The following TRPC7 variants were observed in gnomAD, a reference collection of about 807,000 sequenced individuals.
TRPC7 encodes the protein transient receptor potential cation channel subfamily C member 7, also known as short transient receptor potential channel 7.
A neutral mutation model predicts 90.1 loss-of-function variants in TRPC7; 42 were observed. The observed-to-expected ratio is 0.47, with a 90% CI of 0.36 to 0.60. The LOEUF (loss-of-function observed/expected upper bound fraction) is 0.60. Among genes scored for constraint, TRPC7 ranks in the 20% least tolerant of loss-of-function variants. The pLI is 0.00. For missense variants in TRPC7, 955 were observed against 1,112.3 expected (o/e 0.86, Z 2.01); for synonymous variants, 451 against 436.3 (o/e 1.03, Z -0.42).
chr5:136,276,766 T>A (rs1757378225), intron 3 of TRPC7, among the ~76,000 whole-genome samples: 1 of 152,154 alleles, frequency 6.6e-6, no homozygotes, highest in Non-Finnish European at 1.5e-5. Context: ...TCATAAGACA[T>A]CCTGGGCCCT....
intron 4 of TRPC7, among the ~76,000 whole-genome samples, chr5:136,272,047 A>G (rs900146687): frequency 6.6e-6 from 1 of 152,208 alleles, no homozygotes; most frequent in Non-Finnish European, 1.5e-5. Flanking sequence ...AGAAATCTCA[A>G]CATTTACTAG....
intron 10 of TRPC7, among the ~76,000 whole-genome samples, chr5:136,224,672 A>G (rs1029822358): frequency 1.3e-5 from 2 of 151,504 alleles, no homozygotes; most frequent in African/African-American, 2.4e-5. Context: ...TCTTCTCATT[A>G]TAGCAGTTAG....
chr5:136,286,445 T>C (rs917006641), intron 3 of TRPC7, among the ~76,000 whole-genome samples: 3 of 152,202 alleles, frequency 2.0e-5, no homozygotes, highest in Non-Finnish European at 4.4e-5. Context: ...CATACTATAG[T>C]CCAGCTTCCC....
In TRPC7 at chr5:136,247,381, C is replaced by CA; in HGVS notation, c.1844+89dup. 1 of 1,373,934 alleles carries CA rather than the reference C, an allele frequency of 7.3e-7. No individual in the cohort carries two copies. Among genetic ancestry groups the CA allele is most frequent in the Admixed American group, 2.4e-5 (1 of 41,048 alleles). 85.1% of individuals were successfully genotyped at this position (1,373,934 alleles called of 1,614,324 possible). A position where few individuals can be genotyped will look rare whatever the true frequency, so the allele number is the denominator to read the frequency against. On this transcript the variant is annotated intron_variant, in intron 7 of 11. Coordinates refer to ENST00000513104, the MANE Select transcript of TRPC7 (RefSeq NM_020389.3). The surrounding 1 kb of genome is among the most constrained non-coding windows in gnomAD (Gnocchi z 4.2). The stretch of plus-strand genomic sequence containing the variant: ...ACCTTGAGAGATAGCAAGGAAACAG[C>CA]AGTCTCTGCAAGAAGCCACCTTCAG...
intron 2 of TRPC7, among the ~76,000 whole-genome samples, chr5:136,325,058 T>C (rs1057361737): frequency 2.1e-5 from 1 of 47,248 alleles, no homozygotes; most frequent in African/African-American, 7.6e-5. Flanking sequence ...TTTTGACATT[T>C]AGGATGAGTT....
intron 2 of TRPC7, among the ~76,000 whole-genome samples, chr5:136,342,948 G>T (rs1350289614): frequency 6.6e-6 from 1 of 152,138 alleles, no homozygotes; most frequent in African/African-American, 2.4e-5. Context: ...CAAAGAAACA[G>T]AAACATGTAT....
At chr5:136,336,589 C>T (rs1323047473) in intron 2 of TRPC7, among the ~76,000 whole-genome samples, 1 of 151,538 alleles carries the variant, frequency 6.6e-6, no homozygotes, top group African/African-American at 2.4e-5. Flanking sequence ...ATACATGTGC[C>T]ACGTTGGTTT....
At chr5:136,343,046 C>G (rs1759893583) in intron 2 of TRPC7, among the ~76,000 whole-genome samples, 1 of 151,876 alleles carries the variant, frequency 6.6e-6, no homozygotes, top group Non-Finnish European at 1.5e-5. Flanking sequence ...ACTAAACATA[C>G]AGAGAAAAGC....
At chr5:136,294,910 C>T (rs1758108401) in intron 3 of TRPC7, among the ~76,000 whole-genome samples, 1 of 152,168 alleles carries the variant, frequency 6.6e-6, no homozygotes, top group South Asian at 2.1e-4. Flanking sequence ...CAATGATAGA[C>T]TGGATTAAGA....
At chr5:136,319,551 T>C (rs1759128202) in intron 2 of TRPC7, among the ~76,000 whole-genome samples, 1 of 152,206 alleles carries the variant, frequency 6.6e-6, no homozygotes, top group Non-Finnish European at 1.5e-5. Context: ...ATCTCTTTAA[T>C]AGGGTTGTCT....
intron 10 of TRPC7, chr5:136,222,034 A>G (rs567542319): frequency 6.6e-6 from 1 of 152,320 alleles, no homozygotes; most frequent in Admixed American, 6.5e-5. Context: ...TACTTTGGCC[A>G]TCTCACCAGT....
chr5:136,225,391 A>G (rs770784566), intron 9 of TRPC7, 37 bp from the exon 10 acceptor site: 5 of 1,585,676 alleles, frequency 3.2e-6, no homozygotes, highest in Non-Finnish European at 4.3e-6. Flanking sequence ...CATCACACAG[A>G]AAAACATACA....
intron 8 of TRPC7, among the ~76,000 whole-genome samples, chr5:136,228,310 T>C (rs1490929686): frequency 6.7e-6 from 1 of 150,154 alleles, no homozygotes; most frequent in East Asian, 2.0e-4. Context: ...GGTAGGGAAT[T>C]TGTAAGAATT....
At chr5:136,275,624 G>T (rs1211590867) in intron 3 of TRPC7, among the ~76,000 whole-genome samples, 1 of 152,050 alleles carries the variant, frequency 6.6e-6, no homozygotes, top group Non-Finnish European at 1.5e-5. Context: ...GAACTGTTCT[G>T]CCCTAATGCT....
At chr5:136,315,556 A>C (rs758853496) in intron 3 of TRPC7, 41 bp downstream of exon 3, 2 of 1,602,378 alleles carry the variant, frequency 1.2e-6, no homozygotes, top group East Asian at 4.5e-5. Flanking sequence ...CCCCGAGAAG[A>C]GAGGTGAGAT....
chr5:136,282,199 G>A (rs1039200051), intron 3 of TRPC7, among the ~76,000 whole-genome samples: 1 of 152,128 alleles, frequency 6.6e-6, no homozygotes, highest in East Asian at 1.9e-4. Flanking sequence ...TGTCATCCTA[G>A]GTTGATGGAA....
intron 4 of TRPC7, among the ~76,000 whole-genome samples, chr5:136,272,967 TAGTC>T (rs1330677776): frequency 2.6e-5 from 4 of 152,170 alleles, no homozygotes; most frequent in Non-Finnish European, 5.9e-5. Flanking sequence ...CTAAACAATT[TAGTC>T]AGCAACTACT....
chr5:136,258,967 T>C (rs2149809160), intron 5 of TRPC7, among the ~76,000 whole-genome samples: 1 of 152,294 alleles, frequency 6.6e-6, no homozygotes, highest in Admixed American at 6.5e-5. Context: ...AGGCAGTCCT[T>C]TGCAACAAAT....
intron 3 of TRPC7, among the ~76,000 whole-genome samples, chr5:136,302,255 C>T (rs181389158): frequency 2.9e-4 from 44 of 152,286 alleles, no homozygotes; most frequent in East Asian, 1.4e-3. Flanking sequence ...CACGCAGGGA[C>T]GCCTGCCTTG....
Sources: gnomAD v4.1 joint callset for allele counts (sites outside exome capture counted in the v4.1 genomes callset) on GRCh38, gnomAD v4.1.1 for gene constraint, Gnocchi (gnomAD v3.1) non-coding constraint, MANE v1.5 for transcripts, NCBI Gene and HGNC (gene_info 2026-07-23, HGNC 2026-07-21) for gene names.